ZNF592: variants seen among roughly 807,000 people sequenced by gnomAD.
The protein encoded by ZNF592 is zinc finger protein 592.
In ZNF592, 11 loss-of-function variants were observed where a neutral mutation model predicts 80.3. The ratio of observed to expected loss-of-function variants is 0.14; its 90% CI spans 0.09 to 0.23. The LOEUF (loss-of-function observed/expected upper bound fraction) is 0.23, where lower values mean the gene tolerates loss of function less well. ZNF592 is among the 10% of genes least tolerant of loss of function. ZNF592 has a pLI of 1.00. For missense variants in ZNF592, 1,420 were observed against 1,633.9 expected (o/e 0.87, Z 2.26); for synonymous variants, 646 against 640.3 (o/e 1.01, Z -0.13).
At chr15:84,790,651 G>C (rs1413008999) in intron 4 of ZNF592, 54 bp from the exon 5 acceptor site, 2 of 1,588,546 alleles carry the variant, frequency 1.3e-6, no homozygotes, top group African/African-American at 1.3e-5. Context: ...CCTGATTGGA[G>C]AGCCACAGGC....
At chr15:84,778,809 A>C (rs1489167643) in intron 3 of ZNF592, among the ~76,000 whole-genome samples, 2 of 152,184 alleles carry the variant, frequency 1.3e-5, no homozygotes, top group African/African-American at 4.8e-5. Context: ...GGGTTGATCT[A>C]AGGGTCCTCG....
chr15:84,775,553 C>T (rs2141978286), intron 2 of ZNF592, among the ~76,000 whole-genome samples: 1 of 152,256 alleles, frequency 6.6e-6, no homozygotes, highest in East Asian at 1.9e-4. Context: ...CTGCGTCGGC[C>T]TCCTGAGTAG....
chr15:84,774,926 G>A (rs1028303998), intron 2 of ZNF592, among the ~76,000 whole-genome samples: 3 of 151,584 alleles, frequency 2.0e-5, no homozygotes, highest in Middle Eastern at 3.4e-3. Context: ...GATTACAGGT[G>A]TACACCACCA....
Position 84,783,599 on chromosome 15 carries a change from A to G in ZNF592, c.924A>G (p.Thr308=), listed in dbSNP as rs770606877. 4 of 1,614,188 alleles carry G rather than the reference A, an allele frequency of 2.5e-6. No homozygotes were observed. Among genetic ancestry groups the G allele is most frequent in the Non-Finnish European group, 3.4e-6 (4 of 1,180,028 alleles). The change falls in exon 4 of 11, where the codon ACA becomes ACG. Residue 308 remains threonine (T), a synonymous_variant. Transcript: ENST00000560079. The surrounding 1 kb of genome is among the most constrained non-coding windows in gnomAD (Gnocchi z 5.0). ...CTAAGGAGGATCAGCCTGGCCACAC[A>G]AAGGATCTCTCAGGGCCCACTAAAG... ...SVTKEDQPGH[T]KDLSGPTKES...
At chr15:84,765,823 A>G (rs543905112) in intron 2 of ZNF592, among the ~76,000 whole-genome samples, 1 of 152,062 alleles carries the variant, frequency 6.6e-6, no homozygotes, top group South Asian at 2.1e-4. Flanking sequence ...GGCATGAGCC[A>G]CCGCACCCAG....
chr15:84,776,253 C>T (rs1228750932), intron 2 of ZNF592, among the ~76,000 whole-genome samples: 1 of 152,260 alleles, frequency 6.6e-6, no homozygotes, highest in African/African-American at 2.4e-5. Context: ...GCTCTGGTCC[C>T]TGAGTGACTG....
At chr15:84,773,251 G>T (rs941161134) in intron 2 of ZNF592, among the ~76,000 whole-genome samples, 1 of 143,860 alleles carries the variant, frequency 7.0e-6, no homozygotes, top group Non-Finnish European at 1.5e-5. Context: ...TCGCTCTGTC[G>T]GCCAGGCTGG....
At chr15:84,761,057 G>A (rs997303918) in intron 1 of ZNF592, among the ~76,000 whole-genome samples, 3 of 152,028 alleles carry the variant, frequency 2.0e-5, no homozygotes, top group Non-Finnish European at 2.9e-5. Context: ...TCCATCTCCC[G>A]GATTCAAGCA....
intron 4 of ZNF592, among the ~76,000 whole-genome samples, chr15:84,786,622 C>G (rs1294187379): frequency 6.6e-6 from 1 of 152,126 alleles, no homozygotes; most frequent in Non-Finnish European, 1.5e-5. Flanking sequence ...CCTCTCATCT[C>G]CTCCTGCTCT....
chr15:84,774,735 C>G (rs1327256718), intron 2 of ZNF592, among the ~76,000 whole-genome samples: 1 of 151,846 alleles, frequency 6.6e-6, no homozygotes, highest in East Asian at 1.9e-4. Flanking sequence ...GTCTACTAGT[C>G]TACTAGTTCT....
intron 5 of ZNF592, among the ~76,000 whole-genome samples, chr15:84,797,613 G>A (rs555292939): frequency 6.6e-6 from 1 of 152,358 alleles, no homozygotes; most frequent in East Asian, 1.9e-4. Flanking sequence ...CCAGTGCAGG[G>A]AAGGTTGGGG....
rs1962968083 is a variant in ZNF592 at position 84,797,936 on chromosome 15, T to C, written c.2467T>C (p.Cys823Arg). The C allele has an allele frequency of 6.2e-7, 1 of 1,614,230 alleles. No homozygotes were observed. The highest frequency in any genetic ancestry group is 1.7e-5 in the Admixed American group (1 of 60,030). The change falls in exon 6 of 11, where the codon TGC becomes CGC. Residue 823 changes from cysteine to arginine, a missense_variant. Coordinates refer to ENST00000560079, the MANE Select transcript of ZNF592 (RefSeq NM_014630.3). Reference sequence around the variant, plus strand: ...GAAAAGCCACATCCAGGAGCGACACTGCCAGGTTTTCCACAAATGTGCATT... The same window carrying C: ...GAAAAGCCACATCCAGGAGCGACACCGCCAGGTTTTCCACAAATGTGCATT... Reference protein sequence around the residue: ...LLKSHIQERHCQVFHKCAFCP... With the variant: ...LLKSHIQERHRQVFHKCAFCP...
intron 10 of ZNF592, among the ~76,000 whole-genome samples, chr15:84,801,239 C>T (rs1963087436): frequency 6.6e-6 from 1 of 152,186 alleles, no homozygotes; most frequent in Non-Finnish European, 1.5e-5. Flanking sequence ...GTGGGAGGAT[C>T]GCTTAAGCTC....
rs142046823 is a variant in ZNF592, at chr15:84,804,042, A to C, written c.*1649A>C. The stretch of plus-strand genomic sequence containing the variant: ...TGAAAAAATACATTTTTTCCCCTCT[A>C]TCAAATGCCAAGTTTTTAGTGGAAA... On this transcript the variant is annotated 3_prime_UTR_variant, in exon 11 of 11. Coordinates refer to ENST00000560079, the MANE Select transcript of ZNF592 (RefSeq NM_014630.3). 1 of 152,352 alleles carries C rather than the reference A, an allele frequency of 6.6e-6. No individual in the cohort carries two copies. Among genetic ancestry groups the C allele is most frequent in the East Asian group, 1.9e-4 (1 of 5,192 alleles). 9.4% of individuals were successfully genotyped at this position (152,352 alleles called of 1,614,324 possible). A position where few individuals can be genotyped will look rare whatever the true frequency, so the allele number is the denominator to read the frequency against.
At chr15:84,762,803 C>G (rs929336748) in intron 1 of ZNF592, among the ~76,000 whole-genome samples, 5 of 152,134 alleles carry the variant, frequency 3.3e-5, no homozygotes, top group Non-Finnish European at 7.3e-5. Context: ...ATTTGATTAC[C>G]TCACCTCTCT....
At chr15:84,770,351 A>C (rs1165256329) in intron 2 of ZNF592, among the ~76,000 whole-genome samples, 5 of 152,238 alleles carry the variant, frequency 3.3e-5, no homozygotes, top group African/African-American at 4.8e-5. Flanking sequence ...ATAGCAGGAA[A>C]GAGAACACTT....
chr15:84,783,343 A>T lies in ZNF592; in HGVS notation c.668A>T (p.Gln223Leu). ...GSQQEHEQSGQNTVEPHKDPD... is the reference protein window; with the variant it reads ...GSQQEHEQSGLNTVEPHKDPD... ...CAGCAGGAACACGAGCAAAGTGGGC[A>T]GAACACAGTGGAACCTCACAAGGAT... The change falls in exon 4 of 11, where the codon CAG becomes CTG. Residue 223 changes from glutamine (Q) to leucine (L), a missense_variant. This residue lies in a region of ZNF592 where 373 missense variants were observed against 355.5 expected (regional missense o/e 1.05). Coordinates refer to ENST00000560079, the MANE Select transcript of ZNF592 (RefSeq NM_014630.3). The surrounding 1 kb of genome is among the most constrained non-coding windows in gnomAD (Gnocchi z 5.0). The T allele has an allele frequency of 6.2e-7, 1 of 1,614,238 alleles. No individual in the cohort carries two copies. Among genetic ancestry groups the T allele is most frequent in the South Asian group, 1.1e-5 (1 of 91,084 alleles).
In ZNF592 at chr15:84,799,268, C is replaced by T; in HGVS notation, c.3137+58C>T. On this transcript the variant is annotated intron_variant, in intron 9 of 10. Coordinates refer to ENST00000560079, the MANE Select transcript of ZNF592 (RefSeq NM_014630.3). This position sits in a 1 kb window ranked among gnomAD's most constrained non-coding sequence, Gnocchi z 4.2. ...GAGGTTCAAAAGACTCTGTCCGTGG[C>T]ACCACTGGGGCTTTTCTGTGCTGCA... is the stretch of plus-strand genomic sequence containing the variant. 1 of 1,510,348 alleles carries T rather than the reference C, an allele frequency of 6.6e-7. No individual in the cohort carries two copies. Among genetic ancestry groups the T allele is most frequent in the Non-Finnish European group, 9.2e-7 (1 of 1,085,460 alleles). The allele number at this position is 1,510,348 out of a possible 1,614,324, so 93.6% of individuals were successfully genotyped here.
chr15:84,760,129 T>TA (rs1555428863), intron 1 of ZNF592, among the ~76,000 whole-genome samples: 61 of 147,270 alleles, frequency 4.1e-4, no homozygotes, highest in African/African-American at 1.2e-3. Context: ...GATAAGTGGT[T>TA]AAAAAAAAAA....
Sources: allele counts gnomAD v4.1 joint callset (sites outside exome capture counted in the v4.1 genomes callset), GRCh38; gene constraint gnomAD v4.1.1; regional missense constraint gnomAD v4.1.1; non-coding constraint Gnocchi (gnomAD v3.1); transcripts MANE v1.5; gene names NCBI Gene and HGNC (gene_info 2026-07-23, HGNC 2026-07-21).